CSMD2: variants seen among roughly 807,000 people sequenced by gnomAD.
CSMD2 encodes the protein CUB and Sushi multiple domains 2.
Under a neutral mutation model 398.5 loss-of-function variants are expected in CSMD2, and 130 were observed. That is an observed-to-expected ratio of 0.33 (90% CI 0.28 to 0.38). CSMD2 has a LOEUF of 0.38. Among genes scored for constraint, CSMD2 ranks in the 10% least tolerant of loss-of-function variants. CSMD2 has a pLI of 1.00. For missense variants in CSMD2, 3,829 were observed against 4,764.9 expected (o/e 0.80, Z 5.78); for synonymous variants, 1,828 against 1,908.5 (o/e 0.96, Z 1.10).
At chr1:33,616,429 G>C (rs1158655788) in intron 39 of CSMD2, among the ~76,000 whole-genome samples, 1 of 152,128 alleles carries the variant, frequency 6.6e-6, no homozygotes, top group Non-Finnish European at 1.5e-5. Context: ...GTAGAGATGG[G>C]GTTTCACCAT....
chr1:34,060,651 CT>C (rs112747275), intron 2 of CSMD2, among the ~76,000 whole-genome samples: 40,881 of 144,526 alleles, frequency 0.28, 6,221 homozygotes, highest in African/African-American at 0.4. Context: ...TCCCTGTTTC[CT>C]TTTTTTTTTT....
chr1:33,709,705 T>C (rs1461226005), intron 21 of CSMD2, among the ~76,000 whole-genome samples: 1 of 152,108 alleles, frequency 6.6e-6, no homozygotes, highest in Non-Finnish European at 1.5e-5. Context: ...GGGGGCAAGA[T>C]CACATCATAA....
intron 25 of CSMD2, among the ~76,000 whole-genome samples, chr1:33,667,548 A>C (rs1031521344): frequency 2.6e-5 from 4 of 152,236 alleles, no homozygotes; most frequent in Non-Finnish European, 4.4e-5. Context: ...AATGCTGCCC[A>C]CATCTCTGGG....
intron 5 of CSMD2, among the ~76,000 whole-genome samples, chr1:33,915,555 A>C (rs974345255): frequency 2.6e-5 from 4 of 152,218 alleles, no homozygotes; most frequent in African/African-American, 9.6e-5. Flanking sequence ...TAATAGGAAA[A>C]GGAACTCTTT....
intron 3 of CSMD2, among the ~76,000 whole-genome samples, chr1:33,990,601 A>C (rs1237784335): frequency 6.6e-6 from 1 of 152,154 alleles, no homozygotes; most frequent in African/African-American, 2.4e-5. Context: ...TATGAAGAGG[A>C]GAATCAGTCA....
Position 33,923,187 on chromosome 1 carries a change from C to G in CSMD2, c.713-4886G>C, listed in dbSNP as rs146185591. ...TATAGTTTGAATGTCCCTCCCAAAT[C>G]TCACGTTGAAATGTAATCTCCAATA... On this transcript the variant is annotated intron_variant, in intron 4 of 70. Coordinates refer to ENST00000373381, the MANE Select transcript of CSMD2 (RefSeq NM_001281956.2). 1.6e-3 allele frequency among the ~76,000 whole-genome samples: 249 copies of G among 152,250 alleles called. 1 individual carries two copies. Among genetic ancestry groups the G allele is most frequent in the Admixed American group, 2.5e-3 (38 of 15,296 alleles).
At chr1:33,782,470 A>T (rs558726212) in intron 12 of CSMD2, among the ~76,000 whole-genome samples, 2 of 152,256 alleles carry the variant, frequency 1.3e-5, no homozygotes, top group South Asian at 4.1e-4. Context: ...CAGGTTAGGA[A>T]ATTCAGGCTC....
chr1:33,608,176 G>A (rs1410217973), intron 41 of CSMD2, among the ~76,000 whole-genome samples: 1 of 152,162 alleles, frequency 6.6e-6, no homozygotes, highest in Non-Finnish European at 1.5e-5. Flanking sequence ...AGGGCTCTGT[G>A]GGGGTAGTTA....
intron 62 of CSMD2, among the ~76,000 whole-genome samples, chr1:33,536,445 G>C (rs990335092): frequency 6.6e-6 from 1 of 152,178 alleles, no homozygotes; most frequent in Non-Finnish European, 1.5e-5. Context: ...GGATGGCCTC[G>C]ATCTCCTGAC....
At chr1:33,746,046 AC>A (rs1339387361) in intron 13 of CSMD2, among the ~76,000 whole-genome samples, 1 of 151,766 alleles carries the variant, frequency 6.6e-6, no homozygotes, top group Admixed American at 6.6e-5. Context: ...GCTCTTACTA[AC>A]CCCCCACCAT....
chr1:33,973,164 CCTCCCCTGCCCACACTA>C, intron 3 of CSMD2, among the ~76,000 whole-genome samples: 1 of 152,324 alleles, frequency 6.6e-6, no homozygotes, highest in East Asian at 1.9e-4. Flanking sequence ...CTGCTAGGAT[CCTCCCCTGCCCACACTA>C]TCTGCCTTAG....
intron 3 of CSMD2, among the ~76,000 whole-genome samples, chr1:33,975,486 TACACAC>T (rs57095754): frequency 6.8e-6 from 1 of 146,452 alleles, no homozygotes; most frequent in African/African-American, 2.5e-5. Flanking sequence ...CTCCCAAGTG[TACACAC>T]ACACACACAC....
intron 17 of CSMD2, 86 bp downstream of exon 17, chr1:33,725,263 G>T: frequency 8.8e-7 from 1 of 1,141,366 alleles, no homozygotes; most frequent in Non-Finnish European, 1.3e-6. Flanking sequence ...GGCCAAGCAG[G>T]GGCCTGTGGT....
Position 33,559,882 on chromosome 1 carries a change from A to G in CSMD2, c.8381-409T>C, listed in dbSNP as rs976015802. ...CTCATTCCTGAGCCAACCTTGTAGA[A>G]CCAGAGTGAATACTAACCAAGACTG... On this transcript the variant is annotated intron_variant, in intron 53 of 70. Transcript: ENST00000373381. This position sits in a 1 kb window ranked among gnomAD's most constrained non-coding sequence, Gnocchi z 4.0. 6.6e-6 allele frequency among the ~76,000 whole-genome samples: 1 copy of G among 152,118 alleles called. No individual in the cohort carries two copies. The highest frequency in any genetic ancestry group is 2.4e-5 in the African/African-American group (1 of 41,406).
intron 49 of CSMD2, among the ~76,000 whole-genome samples, 194 bp downstream of exon 49, chr1:33,577,102 C>T (rs894543867): frequency 1.3e-5 from 2 of 152,206 alleles, no homozygotes; most frequent in African/African-American, 4.8e-5. Context: ...TTGATGTGCT[C>T]ACATACCCAT....
chr1:34,071,323 A>G (rs1304532534), intron 2 of CSMD2, among the ~76,000 whole-genome samples: 1 of 152,236 alleles, frequency 6.6e-6, no homozygotes, highest in Non-Finnish European at 1.5e-5. Flanking sequence ...TACTGTCTAC[A>G]GTGTCTTTAC....
chr1:34,009,545 C>T (rs1647178054), intron 3 of CSMD2, among the ~76,000 whole-genome samples: 1 of 151,944 alleles, frequency 6.6e-6, no homozygotes, highest in Non-Finnish European at 1.5e-5. Context: ...AGTGATGGTC[C>T]CTCCATGTAA....
At position 33,872,266 on chromosome 1, in the gene CSMD2, GA is replaced by G. The variant is rs1004192715; in HGVS notation, c.921-25271del. Among the ~76,000 whole-genome samples, 247 of 148,546 alleles carry G rather than the reference GA, an allele frequency of 1.7e-3. 1 individual carries two copies. Among genetic ancestry groups the G allele is most frequent in the African/African-American group, 4.7e-3 (190 of 40,670 alleles). On this transcript the variant is annotated intron_variant, in intron 5 of 70. Coordinates refer to ENST00000373381, the MANE Select transcript of CSMD2 (RefSeq NM_001281956.2). ...TTCTTACTGCTTATGTGAGAAGAGA[GA>G]AAAAAAAAAGTTAAAGTGAGACAGG...
chr1:33,892,442 C>G (rs897320891), intron 5 of CSMD2, among the ~76,000 whole-genome samples: 66 of 152,006 alleles, frequency 4.3e-4, no homozygotes, highest in African/African-American at 1.5e-3. Flanking sequence ...ATACTGTACC[C>G]AATATGTAGT....
Sources: gnomAD v4.1 joint callset for allele counts (sites outside exome capture counted in the v4.1 genomes callset) on GRCh38, gnomAD v4.1.1 for gene constraint, Gnocchi (gnomAD v3.1) non-coding constraint, MANE v1.5 for transcripts, NCBI Gene and HGNC (gene_info 2026-07-23, HGNC 2026-07-21) for gene names.